The following RABGAP1L variants were observed in gnomAD, a reference collection of about 807,000 sequenced individuals.
RABGAP1L encodes the protein RAB GTPase activating protein 1 like, also known as rab GTPase-activating protein 1-like.
In RABGAP1L, 63 loss-of-function variants were observed where a neutral mutation model predicts 137.7. That is an observed-to-expected ratio of 0.46 (90% CI 0.37 to 0.56). The LOEUF is 0.56. Ranked by LOEUF, RABGAP1L falls within the 20% of genes least tolerant of loss-of-function variation. The pLI is 0.00. For synonymous variants in RABGAP1L, 431 were observed against 433.7 expected (o/e 0.99, Z 0.08); for missense variants, 1,095 against 1,244.0 (o/e 0.88, Z 1.80).
intron 11 of RABGAP1L, among the ~76,000 whole-genome samples, chr1:174,342,920 G>T (rs898361670): frequency 6.6e-6 from 1 of 152,160 alleles, no homozygotes; most frequent in South Asian, 2.1e-4. Context: ...TGTATTTTTA[G>T]TAGAGACAGG....
At chr1:174,719,758 C>T (rs926900718) in intron 17 of RABGAP1L, among the ~76,000 whole-genome samples, 22 of 152,134 alleles carry the variant, frequency 1.4e-4, no homozygotes, top group Admixed American at 1.3e-3. Context: ...ATCATCAGTC[C>T]AAATTCAGCC....
chr1:174,500,831 A>T (rs1661191344), intron 13 of RABGAP1L, among the ~76,000 whole-genome samples: 1 of 152,160 alleles, frequency 6.6e-6, no homozygotes, highest in Non-Finnish European at 1.5e-5. Context: ...CTCAGTGCTC[A>T]TGAGGACATG....
At chr1:174,726,754 T>G (rs2148608787) in intron 17 of RABGAP1L, among the ~76,000 whole-genome samples, 1 of 152,288 alleles carries the variant, frequency 6.6e-6, no homozygotes, top group African/African-American at 2.4e-5. Flanking sequence ...GCACTACACA[T>G]AATAGAAATA....
At chr1:174,439,803 G>A (rs752738007) in intron 13 of RABGAP1L, among the ~76,000 whole-genome samples, 3 of 152,058 alleles carry the variant, frequency 2.0e-5, no homozygotes, top group Non-Finnish European at 4.4e-5. Context: ...TTATTTGTTC[G>A]ACACCTATTC....
chr1:174,379,004 T>G (rs1211964641), intron 12 of RABGAP1L, among the ~76,000 whole-genome samples: 2 of 131,980 alleles, frequency 1.5e-5, no homozygotes, highest in Non-Finnish European at 1.6e-5. Context: ...TTTCTACATA[T>G]GGCTAGCGAG....
At chr1:174,358,937 A>C (rs1051081998) in intron 11 of RABGAP1L, among the ~76,000 whole-genome samples, 1 of 152,178 alleles carries the variant, frequency 6.6e-6, no homozygotes, top group African/African-American at 2.4e-5. Context: ...GGAAAATTAT[A>C]ATTATAATAT....
At chr1:174,496,430 C>T (rs910511493) in intron 13 of RABGAP1L, among the ~76,000 whole-genome samples, 10 of 152,150 alleles carry the variant, frequency 6.6e-5, no homozygotes, top group Non-Finnish European at 1.0e-4. Context: ...CTGAGAAAGA[C>T]GACCCTCTAA....
intron 18 of RABGAP1L, among the ~76,000 whole-genome samples, chr1:174,768,948 G>A (rs1685890024): frequency 6.6e-6 from 1 of 152,022 alleles, no homozygotes; most frequent in Admixed American, 6.5e-5. Flanking sequence ...TCTTTGTCTT[G>A]TTCCTGATCT....
chr1:174,560,433 G>A (rs1309059219), intron 13 of RABGAP1L, among the ~76,000 whole-genome samples: 2 of 152,212 alleles, frequency 1.3e-5, no homozygotes, highest in African/African-American at 4.8e-5. Flanking sequence ...ATTGCGACTG[G>A]TGGGTGACAC....
chr1:174,615,325 T>G (rs552454572), intron 13 of RABGAP1L, among the ~76,000 whole-genome samples: 1 of 152,304 alleles, frequency 6.6e-6, no homozygotes, highest in African/African-American at 2.4e-5. Context: ...TCTTTTGGGG[T>G]TTGCTGGATG....
At chr1:174,517,318 A>C (rs1662956426) in intron 13 of RABGAP1L, among the ~76,000 whole-genome samples, 1 of 152,188 alleles carries the variant, frequency 6.6e-6, no homozygotes, top group African/African-American at 2.4e-5. Flanking sequence ...AATCATTTTG[A>C]GGACATAATT....
intron 13 of RABGAP1L, among the ~76,000 whole-genome samples, chr1:174,450,067 T>C (rs201389094): frequency 1.3e-5 from 2 of 152,310 alleles, no homozygotes; most frequent in Non-Finnish European, 2.9e-5. Flanking sequence ...CATTTTTATC[T>C]GGTTCCTTTT....
chr1:174,575,076 A>G lies in RABGAP1L; in HGVS notation c.1711-62299A>G, dbSNP rs1042168994. ...CTTCCGAGTAGCTGGGATTACAGGC[A>G]TGCGCCACCACACCTGGCTAATTTT... On this transcript the variant is annotated intron_variant, in intron 13 of 25. Coordinates refer to ENST00000681986, the MANE Select transcript of RABGAP1L (RefSeq NM_001366446.1). 1.1e-4 allele frequency among the ~76,000 whole-genome samples: 16 copies of G among 152,212 alleles called. No homozygotes were observed. The South Asian group carries it at 2.9e-3, about 28-fold the overall frequency.
intron 13 of RABGAP1L, chr1:174,546,042 T>C (rs911107617): frequency 2.0e-5 from 3 of 152,164 alleles, no homozygotes; most frequent in Admixed American, 2.0e-4. Context: ...AAGATAAATC[T>C]AAGTGGAAAT....
At chr1:174,344,153 T>C (rs187288169) in intron 11 of RABGAP1L, among the ~76,000 whole-genome samples, 2 of 152,314 alleles carry the variant, frequency 1.3e-5, no homozygotes, top group African/African-American at 2.4e-5. Flanking sequence ...GGAGACCTTA[T>C]AGTTTGTCAG....
intron 18 of RABGAP1L, among the ~76,000 whole-genome samples, chr1:174,770,672 A>G (rs1269147623): frequency 6.6e-6 from 1 of 152,176 alleles, no homozygotes; most frequent in Admixed American, 6.5e-5. Flanking sequence ...TTAAGCTTCC[A>G]TCCCTTTTAC....
intron 13 of RABGAP1L, among the ~76,000 whole-genome samples, chr1:174,500,080 C>CTTT (rs1314254264): frequency 7.4e-6 from 1 of 135,574 alleles, no homozygotes; most frequent in African/African-American, 2.7e-5. Context: ...CAGGCTTCTT[C>CTTT]TTTTTTTTTT....
At chr1:174,952,209 G>T (rs1284628742) in intron 19 of RABGAP1L, among the ~76,000 whole-genome samples, 1 of 151,812 alleles carries the variant, frequency 6.6e-6, no homozygotes, top group Admixed American at 6.6e-5. Flanking sequence ...AATGTACAAA[G>T]ATCTTGTTTG....
intron 20 of RABGAP1L, among the ~76,000 whole-genome samples, chr1:174,967,944 A>T (rs1180958792): frequency 6.8e-6 from 1 of 147,222 alleles, no homozygotes. Context: ...AAAAAAAAAA[A>T]GACAGAAATG....
Sources: gnomAD v4.1 joint callset for allele counts (sites outside exome capture counted in the v4.1 genomes callset) on GRCh38, gnomAD v4.1.1 for gene constraint, MANE v1.5 for transcripts, NCBI Gene and HGNC (gene_info 2026-07-23, HGNC 2026-07-21) for gene names.